DCUN1D4: variants seen among roughly 807,000 people sequenced by gnomAD.
The protein encoded by DCUN1D4 is DCN1-like protein 4.
A neutral mutation model predicts 47.9 loss-of-function variants in DCUN1D4; 22 were observed. The ratio of observed to expected loss-of-function variants is 0.46; its 90% CI spans 0.33 to 0.66. The LOEUF (loss-of-function observed/expected upper bound fraction) is 0.66, where lower values mean the gene tolerates loss of function less well. DCUN1D4 is among the 30% of genes least tolerant of loss of function. The probability of loss-of-function intolerance (pLI) is 0.02; values close to 1 mark genes in which losing one functional copy is unlikely to be tolerated. For synonymous variants in DCUN1D4, 121 were observed against 112.2 expected, an observed-to-expected ratio of 1.08 and a Z score of -0.50; for missense variants, 301 against 340.8, an observed-to-expected ratio of 0.88 and a Z score of 0.92.
intron 1 of DCUN1D4, among the ~76,000 whole-genome samples, chr4:51,849,954 T>C (rs1288522731): frequency 6.6e-6 from 1 of 152,150 alleles, no homozygotes; most frequent in Non-Finnish European, 1.5e-5. Flanking sequence ...AGGTATAATT[T>C]CACGTATTAT....
At chr4:51,885,484 G>C (rs990418707) in intron 5 of DCUN1D4, among the ~76,000 whole-genome samples, 2 of 152,200 alleles carry the variant, frequency 1.3e-5, no homozygotes, top group East Asian at 1.9e-4. Flanking sequence ...ATTGGGCTCC[G>C]TTTTAGTGAG....
intron 1 of DCUN1D4, among the ~76,000 whole-genome samples, chr4:51,857,903 A>C (rs1423917090): frequency 6.6e-6 from 1 of 152,196 alleles, no homozygotes; most frequent in African/African-American, 2.4e-5. Flanking sequence ...AATATGTGCC[A>C]GGTACTCTTC....
At chr4:51,854,369 A>G (rs972573836) in intron 1 of DCUN1D4, among the ~76,000 whole-genome samples, 2 of 152,156 alleles carry the variant, frequency 1.3e-5, no homozygotes, top group Non-Finnish European at 2.9e-5. Flanking sequence ...TTAAAATTGT[A>G]TTTTGTACTT....
At chr4:51,905,387 G>C (rs574537226) in intron 8 of DCUN1D4, 1 of 255,994 alleles carries the variant, frequency 3.9e-6, no homozygotes, top group Non-Finnish European at 8.4e-6. Flanking sequence ...GTGGAATCTT[G>C]CTAGAAGAAG....
At chr4:51,874,760 T>G (rs1727422463) in intron 4 of DCUN1D4, 1 of 165,470 alleles carries the variant, frequency 6.0e-6, no homozygotes. Context: ...TGGAGAGATC[T>G]TCCTGTACTT....
upstream of DCUN1D4, among the ~76,000 whole-genome samples, chr4:51,840,682 C>T (rs1721605999): frequency 6.6e-6 from 1 of 152,114 alleles, no homozygotes; most frequent in South Asian, 2.1e-4. Flanking sequence ...AAGCATTGTA[C>T]TAGGTGCTAG....
chr4:51,897,451 TAGTA>T (rs1399515697), intron 7 of DCUN1D4, among the ~76,000 whole-genome samples: 2 of 152,168 alleles, frequency 1.3e-5, no homozygotes, highest in African/African-American at 4.8e-5. Flanking sequence ...TATCTGTACT[TAGTA>T]GGTTAAAGAT....
chr4:51,867,844 G>A lies in DCUN1D4; in HGVS notation c.136+4135G>A, dbSNP rs558513930. 1.2e-3 allele frequency among the ~76,000 whole-genome samples: 185 copies of A among 152,314 alleles called. 2 individuals carry two copies. The Middle Eastern group carries it at 0.014, about 11-fold the overall frequency. ...TTACCGGGGACCCACCCCTTTCTGCGCAGAAGCCTGCTTCCTGATGCCATC... is the reference window on the plus strand; with the variant it reads ...TTACCGGGGACCCACCCCTTTCTGCACAGAAGCCTGCTTCCTGATGCCATC... On this transcript the variant is annotated intron_variant, in intron 3 of 10. Coordinates refer to ENST00000334635, the MANE Select transcript of DCUN1D4 (RefSeq NM_001040402.3).
intron 1 of DCUN1D4, among the ~76,000 whole-genome samples, chr4:51,856,026 T>C (rs1406739502): frequency 6.6e-6 from 1 of 152,218 alleles, no homozygotes; most frequent in Non-Finnish European, 1.5e-5. Flanking sequence ...CCCTTAAGCA[T>C]TCCCTGATGA....
At chr4:51,911,855 C>T (rs1733761464) in intron 9 of DCUN1D4, among the ~76,000 whole-genome samples, 2 of 152,142 alleles carry the variant, frequency 1.3e-5, no homozygotes, top group South Asian at 4.1e-4. Context: ...TCATATATGG[C>T]ATCCTCCTTT....
At chr4:51,870,683 T>C (rs1726747612) in intron 3 of DCUN1D4, among the ~76,000 whole-genome samples, 1 of 152,214 alleles carries the variant, frequency 6.6e-6, no homozygotes, top group South Asian at 2.1e-4. Flanking sequence ...CGCAAAGCAG[T>C]ATGTGCCTTT....
At chr4:51,882,917 T>C (rs1229107892) in intron 5 of DCUN1D4, among the ~76,000 whole-genome samples, 2 of 152,062 alleles carry the variant, frequency 1.3e-5, no homozygotes, top group African/African-American at 4.8e-5. Flanking sequence ...ATAAGCCATA[T>C]CAGTAGATAC....
chr4:51,902,445 G>A (rs1560514148), intron 8 of DCUN1D4, among the ~76,000 whole-genome samples: 1 of 152,150 alleles, frequency 6.6e-6, no homozygotes, highest in Non-Finnish European at 1.5e-5. Flanking sequence ...ACTAGGTTTA[G>A]TATTGTTATA....
At chr4:51,839,183 A>AGG, upstream of DCUN1D4, among the ~76,000 whole-genome samples, 1 of 130,500 alleles carries the variant, frequency 7.7e-6, no homozygotes, top group Non-Finnish European at 1.6e-5. Context: ...GAAGGAAGAA[A>AGG]GGAGAAGGAA....
At position 51,880,492 on chromosome 4, in the gene DCUN1D4, A is replaced by G. The variant is rs192428551; in HGVS notation, c.343+2638A>G. ...AGCTCTTCCCAGAATTCTCAGTTCC[A>G]CTTTGTACCTTGCCCTCTGCTTTCC... On this transcript the variant is annotated intron_variant, in intron 5 of 10. Coordinates refer to ENST00000334635, the MANE Select transcript of DCUN1D4 (RefSeq NM_001040402.3). 5.9e-5 allele frequency among the ~76,000 whole-genome samples: 9 copies of G among 152,212 alleles called. No homozygotes were observed. In the East Asian group the frequency reaches 1.7e-3, roughly 29 times the overall value.
At chr4:51,844,671 G>C (rs1280256305) in intron 1 of DCUN1D4, among the ~76,000 whole-genome samples, 6 of 151,480 alleles carry the variant, frequency 4.0e-5, no homozygotes, top group Non-Finnish European at 5.9e-5. Flanking sequence ...CCACGCCCGG[G>C]GGGCGCGACT....
Position 51,863,658 on chromosome 4 carries a change from T to G in DCUN1D4, c.97-12T>G, listed in dbSNP as rs1337017508. The G allele has an allele frequency of 4.3e-6, 7 of 1,613,072 alleles. No individual in the cohort carries two copies. The Admixed American group carries it at 6.7e-5, about 15-fold the overall frequency. On this transcript the variant is annotated splice_polypyrimidine_tract_variant and intron_variant, in intron 2 of 10. Transcript: ENST00000334635. ...TGTGATTTCTTCGTAATAACGAACA[T>G]ATTTCTTTCAGAACCTAACAGAAGA...
chr4:51,841,605 G>A, upstream of DCUN1D4, among the ~76,000 whole-genome samples: 1 of 152,064 alleles, frequency 6.6e-6, no homozygotes, highest in Non-Finnish European at 1.5e-5. Context: ...ATTCATAAAT[G>A]TTTGAATGAT....
chr4:51,878,740 A>C (rs747531809), intron 5 of DCUN1D4, among the ~76,000 whole-genome samples: 1 of 152,188 alleles, frequency 6.6e-6, no homozygotes, highest in Admixed American at 6.5e-5. Context: ...TCCATCTGAC[A>C]TGCTCTTACA....
Sources: allele counts gnomAD v4.1 joint callset (sites outside exome capture counted in the v4.1 genomes callset), GRCh38; gene constraint gnomAD v4.1.1; transcripts MANE v1.5; gene names NCBI Gene and HGNC (gene_info 2026-07-23, HGNC 2026-07-21).